The following SAMD13 variants were observed in gnomAD, a reference collection of about 807,000 sequenced individuals.
SAMD13 encodes sterile alpha motif domain containing 13.
In SAMD13, 9 loss-of-function variants were observed where a neutral mutation model predicts 12.4. The observed-to-expected ratio is 0.72, with a 90% CI of 0.44 to 1.26. The LOEUF is 1.26. Ranked by LOEUF, SAMD13 falls within the 50% of genes most tolerant of loss-of-function variation. The pLI, the probability that SAMD13 is intolerant of heterozygous loss-of-function variation, is 0.00. For missense variants in SAMD13, 84 were observed against 119.6 expected (o/e 0.70, Z 1.39); for synonymous variants, 46 against 45.4 (o/e 1.01, Z -0.05).
chr1:84,312,834 T>A (rs574041881), intron 2 of SAMD13, among the ~76,000 whole-genome samples: 19 of 152,328 alleles, frequency 1.2e-4, no homozygotes, highest in Non-Finnish European at 2.1e-4. Flanking sequence ...AGTGGACACA[T>A]GGTACTAGCT....
intron 3 of SAMD13, among the ~76,000 whole-genome samples, chr1:84,339,454 G>C (rs1679375299): frequency 6.6e-6 from 1 of 152,092 alleles, no homozygotes; most frequent in African/African-American, 2.4e-5. Flanking sequence ...GGGGGACAAG[G>C]CTCAGCTTGG....
chr1:84,299,316 C>T (rs9645392), upstream of SAMD13, among the ~76,000 whole-genome samples: 2,227 of 152,310 alleles, frequency 0.015, 23 homozygotes, highest in Non-Finnish European at 0.021. Flanking sequence ...TCCCCTCTCC[C>T]TATCTGAGCG....
chr1:84,311,908 G>A (rs1383986440), intron 2 of SAMD13, among the ~76,000 whole-genome samples: 1 of 152,084 alleles, frequency 6.6e-6, no homozygotes, highest in African/African-American at 2.4e-5. Flanking sequence ...CATACCTCAG[G>A]CATTGATTAG....
chr1:84,309,442 A>C (rs2055116), intron 2 of SAMD13, among the ~76,000 whole-genome samples: 7,877 of 152,244 alleles, frequency 0.052, 206 homozygotes, highest in African/African-American at 0.079. Context: ...CTACCTTGAG[A>C]ATTTTAAACA....
chr1:84,331,843 T>G (rs1016797849), intron 3 of SAMD13, among the ~76,000 whole-genome samples: 1 of 152,058 alleles, frequency 6.6e-6, no homozygotes, highest in Non-Finnish European at 1.5e-5. Flanking sequence ...ACCCAAGTAA[T>G]AAGCATAGTA....
chr1:84,349,141 C>A (rs1679595526), intron 3 of SAMD13, among the ~76,000 whole-genome samples: 1 of 152,110 alleles, frequency 6.6e-6, no homozygotes. Flanking sequence ...TTCTATGCAC[C>A]CCTTTCCTAA....
At chr1:84,328,307 A>G (rs992725555) in intron 3 of SAMD13, among the ~76,000 whole-genome samples, 1 of 152,212 alleles carries the variant, frequency 6.6e-6, no homozygotes, top group African/African-American at 2.4e-5. Context: ...AAAGCATTTC[A>G]TTCAGAAATC....
chr1:84,342,859 A>G (rs772311528), intron 3 of SAMD13, among the ~76,000 whole-genome samples: 2 of 152,228 alleles, frequency 1.3e-5, no homozygotes, highest in East Asian at 3.8e-4. Flanking sequence ...GACAAATGGG[A>G]TCTAATTAAA....
chr1:84,331,350 A>AG (rs1679178645), intron 3 of SAMD13, among the ~76,000 whole-genome samples: 1 of 99,718 alleles, frequency 1.0e-5, no homozygotes, highest in Non-Finnish European at 2.2e-5. Flanking sequence ...AAAAAAAAAA[A>AG]AAAAAAAATT....
At position 84,336,906 on chromosome 1, in the gene SAMD13, G is replaced by T. The variant is rs539871346; in HGVS notation, c.165+11158G>T. ...GTAAATACAGCCATTCCAAATGGGA[G>T]AAATTGGCCAAAACAAAGGGGCTAC... On this transcript the variant is annotated intron_variant, in intron 3 of 3. Coordinates refer to ENST00000394834, the MANE Select transcript of SAMD13 (RefSeq NM_001134663.2). Among the ~76,000 whole-genome samples, 7 of 152,304 alleles carry T rather than the reference G, an allele frequency of 4.6e-5. No individual in the cohort carries two copies. In the East Asian group the frequency reaches 1.3e-3, roughly 29 times the overall value.
At chr1:84,318,812 T>C (rs1449168614) in intron 2 of SAMD13, among the ~76,000 whole-genome samples, 1 of 152,192 alleles carries the variant, frequency 6.6e-6, no homozygotes, top group Non-Finnish European at 1.5e-5. Flanking sequence ...AATAAGTCTT[T>C]GATTATTCCC....
intron 3 of SAMD13, among the ~76,000 whole-genome samples, chr1:84,334,353 T>C (rs140787044): frequency 2.9e-4 from 44 of 152,254 alleles, no homozygotes; most frequent in African/African-American, 9.9e-4. Context: ...GTGTTTGTAA[T>C]AGTCTCTGAG....
intron 3 of SAMD13, among the ~76,000 whole-genome samples, chr1:84,329,805 AC>A (rs1330691867): frequency 6.6e-6 from 1 of 152,140 alleles, no homozygotes; most frequent in Non-Finnish European, 1.5e-5. Context: ...ATCACAAATA[AC>A]CCAGTGTCAA....
At chr1:84,314,694 G>A (rs1678791192) in intron 2 of SAMD13, among the ~76,000 whole-genome samples, 3 of 152,088 alleles carry the variant, frequency 2.0e-5, no homozygotes, top group South Asian at 4.2e-4. Context: ...GGGAGGGGGC[G>A]TGGCAGTGAT....
At chr1:84,317,381 C>G (rs1247542174) in intron 2 of SAMD13, among the ~76,000 whole-genome samples, 1 of 151,994 alleles carries the variant, frequency 6.6e-6, no homozygotes, top group African/African-American at 2.4e-5. Flanking sequence ...TAATTTCCCT[C>G]TATCCCTACT....
intron 3 of SAMD13, chr1:84,345,159 A>G (rs1177969182): frequency 2.2e-6 from 1 of 456,538 alleles, no homozygotes; most frequent in Non-Finnish European, 4.4e-6. Context: ...ACTGGTCACC[A>G]TTTGTAGCCA....
chr1:84,339,730 T>C (rs1679383726), intron 3 of SAMD13, among the ~76,000 whole-genome samples: 1 of 152,076 alleles, frequency 6.6e-6, no homozygotes, highest in African/African-American at 2.4e-5. Context: ...TCTCTCCAAG[T>C]TGAGGAGTGA....
In SAMD13 at chr1:84,325,665, C is replaced by T; in HGVS notation, c.82C>T (p.Pro28Ser). ...NSMENGRPPD[P>S]ADWAVMDVVN... ...CATGGAAAATGGGAGACCACCTGAT[C>T]CTGCAGACTGGGCCGTGATGGATGT... The change falls in exon 3 of 4, where the codon CCT becomes TCT. Residue 28 changes from proline (P) to serine (S), a missense_variant. Coordinates refer to ENST00000394834, the MANE Select transcript of SAMD13 (RefSeq NM_001134663.2). The T allele has an allele frequency of 6.2e-7, 1 of 1,613,040 alleles. No individual in the cohort carries two copies. Among genetic ancestry groups the T allele is most frequent in the Non-Finnish European group, 8.5e-7 (1 of 1,179,148 alleles).
At chr1:84,339,452 A>C (rs1010602065) in intron 3 of SAMD13, among the ~76,000 whole-genome samples, 1 of 152,064 alleles carries the variant, frequency 6.6e-6, no homozygotes, top group Non-Finnish European at 1.5e-5. Context: ...TAGGGGGACA[A>C]GGCTCAGCTT....
Sources: gnomAD v4.1 joint callset for allele counts (sites outside exome capture counted in the v4.1 genomes callset) on GRCh38, gnomAD v4.1.1 for gene constraint, MANE v1.5 for transcripts, NCBI Gene and HGNC (gene_info 2026-07-23, HGNC 2026-07-21) for gene names.